Variants in ELMO1 observed in about 807,000 individuals in gnomAD.
The protein encoded by ELMO1 is engulfment and cell motility protein 1.
In ELMO1, 26 loss-of-function variants were observed where a neutral mutation model predicts 98.9. The observed-to-expected ratio is 0.26, with a 90% CI of 0.19 to 0.36. ELMO1 has a LOEUF of 0.36. ELMO1 is among the 10% of genes least tolerant of loss of function. The pLI is 1.00. For synonymous variants in ELMO1, 346 were observed against 346.0 expected, an observed-to-expected ratio of 1.00 and a Z score of 0.00; for missense variants, 627 against 935.2, an observed-to-expected ratio of 0.67 and a Z score of 4.30.
intron 13 of ELMO1, among the ~76,000 whole-genome samples, chr7:37,143,870 C>A (rs1332050801): frequency 6.6e-6 from 1 of 151,876 alleles, no homozygotes; most frequent in Non-Finnish European, 1.5e-5. Context: ...GTCACCATGC[C>A]TGGCTAAGTT....
chr7:37,342,847 C>G lies in ELMO1; in HGVS notation c.-73-84G>C. 7.7e-6 allele frequency: 5 copies of G among 652,834 alleles called. No homozygotes were observed. The allele number at this position is 652,834 out of a possible 1,614,324, so 40.4% of individuals were successfully genotyped here. ...TTTGCTTCATCACTTCCTGTTTTCACTGGTGGTTTGGTATGAAAAACGGCT... is the reference window on the plus strand; with the variant it reads ...TTTGCTTCATCACTTCCTGTTTTCAGTGGTGGTTTGGTATGAAAAACGGCT... On this transcript the variant is annotated intron_variant, in intron 1 of 21. Coordinates refer to ENST00000310758, the MANE Select transcript of ELMO1 (RefSeq NM_014800.11). The surrounding 1 kb of genome is among the most constrained non-coding windows in gnomAD (Gnocchi z 4.3).
At chr7:37,392,729 G>A (rs1803133517) in intron 1 of ELMO1, among the ~76,000 whole-genome samples, 1 of 152,218 alleles carries the variant, frequency 6.6e-6, no homozygotes, top group Non-Finnish European at 1.5e-5. Context: ...ATGCTCTCCT[G>A]ATTACAACTC....
chr7:36,861,613 G>A, intron 21 of ELMO1, 46 bp downstream of exon 21: 2 of 1,569,242 alleles, frequency 1.3e-6, no homozygotes, highest in Non-Finnish European at 8.7e-7. Context: ...TTTTTCTTGA[G>A]AAAAGATAAC....
At chr7:37,415,258 G>C (rs568484521) in intron 1 of ELMO1, among the ~76,000 whole-genome samples, 1 of 152,350 alleles carries the variant, frequency 6.6e-6, no homozygotes, top group African/African-American at 2.4e-5. Context: ...AAAATAGATT[G>C]AGCAAAGCGA....
chr7:37,199,929 C>G (rs1458639235), intron 13 of ELMO1, among the ~76,000 whole-genome samples: 1 of 152,052 alleles, frequency 6.6e-6, no homozygotes, highest in African/African-American at 2.4e-5. Flanking sequence ...TGAGAAGAGC[C>G]CACTGTGCAG....
chr7:37,160,837 G>C (rs1468130374), intron 13 of ELMO1, among the ~76,000 whole-genome samples: 1 of 152,114 alleles, frequency 6.6e-6, no homozygotes, highest in Non-Finnish European at 1.5e-5. Context: ...TAAGAGGCTG[G>C]CTACTTGCAA....
intron 16 of ELMO1, among the ~76,000 whole-genome samples, chr7:36,932,896 T>C (rs1460109178): frequency 6.6e-6 from 1 of 152,138 alleles, no homozygotes; most frequent in East Asian, 1.9e-4. Flanking sequence ...GAGTGGGAAA[T>C]GCTTGCTCTC....
intron 14 of ELMO1, among the ~76,000 whole-genome samples, chr7:37,112,623 T>C (rs1785318474): frequency 1.3e-5 from 2 of 152,220 alleles, no homozygotes; most frequent in Non-Finnish European, 2.9e-5. Context: ...GAGAAGTTAG[T>C]TGTTAGGGTT....
intron 1 of ELMO1, among the ~76,000 whole-genome samples, chr7:37,410,716 T>C (rs532236829): frequency 5.3e-5 from 8 of 152,340 alleles, no homozygotes; most frequent in African/African-American, 1.9e-4. Flanking sequence ...GGGCCCATCA[T>C]AGAGCCTGCT....
intron 16 of ELMO1, among the ~76,000 whole-genome samples, chr7:36,961,515 G>A (rs1338299505): frequency 6.6e-6 from 1 of 152,124 alleles, no homozygotes; most frequent in East Asian, 1.9e-4. Context: ...TAAGATGAGT[G>A]AAAGATAAAA....
chr7:37,323,811 C>T (rs556418936), intron 2 of ELMO1, among the ~76,000 whole-genome samples: 1 of 152,232 alleles, frequency 6.6e-6, no homozygotes, highest in South Asian at 2.1e-4. Flanking sequence ...CCCTCTGAGC[C>T]GTCTTCTAGG....
chr7:36,956,789 G>A (rs533410136), intron 16 of ELMO1, among the ~76,000 whole-genome samples: 12 of 151,700 alleles, frequency 7.9e-5, no homozygotes, highest in Non-Finnish European at 1.5e-4. Context: ...TGAGAAAGTG[G>A]AACTTAATGA....
At chr7:37,431,448 T>C (rs1804929899) in intron 1 of ELMO1, among the ~76,000 whole-genome samples, 1 of 152,256 alleles carries the variant, frequency 6.6e-6, no homozygotes, top group Admixed American at 6.5e-5. Flanking sequence ...AGAAGCCTAC[T>C]AAATTTCTAC....
chr7:37,307,023 G>C (rs1201569981), intron 4 of ELMO1, among the ~76,000 whole-genome samples: 1 of 152,102 alleles, frequency 6.6e-6, no homozygotes, highest in Non-Finnish European at 1.5e-5. Context: ...TCTTCCTCTA[G>C]ATTGAAAACT....
At chr7:37,379,390 G>T (rs1802496649) in intron 1 of ELMO1, among the ~76,000 whole-genome samples, 1 of 152,120 alleles carries the variant, frequency 6.6e-6, no homozygotes, top group Non-Finnish European at 1.5e-5. Flanking sequence ...GATCTTCCTT[G>T]AAGGGGTCAG....
intron 13 of ELMO1, among the ~76,000 whole-genome samples, chr7:37,151,865 G>C (rs1159958426): frequency 6.6e-6 from 1 of 152,090 alleles, no homozygotes; most frequent in African/African-American, 2.4e-5. Flanking sequence ...CTCTGTCAAG[G>C]GTCAGGAGCA....
At chr7:37,033,210 A>G (rs1462957687) in intron 15 of ELMO1, 4 of 346,668 alleles carry the variant, frequency 1.2e-5, no homozygotes, top group Non-Finnish European at 2.3e-5. Flanking sequence ...GGGTGGGTTT[A>G]TGGTACCCAA....
chr7:37,208,638 T>C (rs1456460563), intron 13 of ELMO1, among the ~76,000 whole-genome samples: 1 of 152,124 alleles, frequency 6.6e-6, no homozygotes, highest in Admixed American at 6.5e-5. Context: ...GCTTTCAGCG[T>C]TTTTGCAAGA....
intron 6 of ELMO1, among the ~76,000 whole-genome samples, chr7:37,249,383 A>C: frequency 6.6e-6 from 1 of 152,194 alleles, no homozygotes; most frequent in East Asian, 1.9e-4. Context: ...TATACACTTA[A>C]TGTTTCTTTT....
Sources: gnomAD v4.1 joint callset for allele counts (sites outside exome capture counted in the v4.1 genomes callset) on GRCh38, gnomAD v4.1.1 for gene constraint, Gnocchi (gnomAD v3.1) non-coding constraint, MANE v1.5 for transcripts, NCBI Gene and HGNC (gene_info 2026-07-23, HGNC 2026-07-21) for gene names.